The following MYLK4 variants were observed in gnomAD, a reference collection of about 807,000 sequenced individuals.
MYLK4 encodes the protein caMLCK like.
MYLK4 carries 46 observed loss-of-function variants against 48.1 expected under a neutral mutation model. The ratio of observed to expected loss-of-function variants is 0.96; its 90% CI spans 0.75 to 1.22. The LOEUF (loss-of-function observed/expected upper bound fraction) is 1.22, where lower values mean the gene tolerates loss of function less well. MYLK4 is among the 50% of genes most tolerant of loss of function. The probability of loss-of-function intolerance (pLI) is 0.00; values close to 1 mark genes in which losing one functional copy is unlikely to be tolerated. For missense variants in MYLK4, 451 were observed against 486.1 expected (o/e 0.93, Z 0.68); for synonymous variants, 170 against 180.8 (o/e 0.94, Z 0.48).
chr6:2,720,461 C>T (rs769961363), intron 2 of MYLK4, among the ~76,000 whole-genome samples: 5 of 151,128 alleles, frequency 3.3e-5, no homozygotes, highest in Non-Finnish European at 7.4e-5. Flanking sequence ...TTGGAGACAA[C>T]AGAGATTATG....
chr6:2,758,254 C>A, the MYLK4 span, among the ~76,000 whole-genome samples: 3 of 151,902 alleles, frequency 2.0e-5, no homozygotes, highest in Non-Finnish European at 4.4e-5. Flanking sequence ...TGTAACATCA[C>A]TTACTGTTAT....
the MYLK4 span, among the ~76,000 whole-genome samples, chr6:2,769,242 C>T: frequency 1.3e-5 from 2 of 152,006 alleles, no homozygotes; most frequent in African/African-American, 2.4e-5. Flanking sequence ...TTAAAAATTA[C>T]TTTAACAGTA....
chr6:2,721,077 C>T (rs1382119562), intron 2 of MYLK4, among the ~76,000 whole-genome samples: 3 of 152,130 alleles, frequency 2.0e-5, no homozygotes, highest in African/African-American at 4.8e-5. Context: ...AGGAGAATCG[C>T]TTGAACTTGG....
intron 2 of MYLK4, among the ~76,000 whole-genome samples, chr6:2,731,523 A>G (rs1763480107): frequency 6.6e-6 from 1 of 152,174 alleles, no homozygotes; most frequent in African/African-American, 2.4e-5. Flanking sequence ...CTTCAGGTGC[A>G]GATGAAACTT....
rs559662981 is a variant in MYLK4, at chr6:2,666,943, G to C, written c.*982C>G. ...CATGAGACAGCACAGGCGAGAGACTGTACTTGGTCTTTGCCACTGTTTGTA... is the reference window on the plus strand; with the variant it reads ...CATGAGACAGCACAGGCGAGAGACTCTACTTGGTCTTTGCCACTGTTTGTA... On this transcript the variant is annotated 3_prime_UTR_variant, in exon 13 of 13. Transcript: ENST00000274643. 1 of 152,248 alleles carries C rather than the reference G, an allele frequency of 6.6e-6. No homozygotes were observed. The highest frequency in any genetic ancestry group is 2.1e-4 in the South Asian group (1 of 4,830). 9.4% of individuals were successfully genotyped at this position (152,248 alleles called of 1,614,324 possible).
At chr6:2,766,017 G>C in the MYLK4 span, 122 of 1,336,552 alleles carry the variant, frequency 9.1e-5, no homozygotes, top group Middle Eastern at 1.1e-3. Context: ...GCCCGCTCCA[G>C]CAGCCCCGGG....
At chr6:2,710,050 T>C (rs1007557235) in intron 2 of MYLK4, among the ~76,000 whole-genome samples, 8 of 152,228 alleles carry the variant, frequency 5.3e-5, no homozygotes, top group Admixed American at 3.3e-4. Context: ...AGATGTCCAT[T>C]TGGAATAAAA....
intron 10 of MYLK4, among the ~76,000 whole-genome samples, chr6:2,677,513 G>T (rs2113104515): frequency 6.6e-6 from 1 of 152,260 alleles, no homozygotes; most frequent in South Asian, 2.1e-4. Flanking sequence ...GTGTTTGATG[G>T]GTTAATCACA....
intron 2 of MYLK4, among the ~76,000 whole-genome samples, chr6:2,725,259 A>G (rs1204812584): frequency 1.3e-5 from 2 of 152,134 alleles, no homozygotes; most frequent in African/African-American, 4.8e-5. Context: ...GGATTTCAAG[A>G]CCAACCTGGG....
At chr6:2,764,448 A>G in the MYLK4 span, among the ~76,000 whole-genome samples, 1 of 152,146 alleles carries the variant, frequency 6.6e-6, no homozygotes, top group South Asian at 2.1e-4. Flanking sequence ...ATAAAAATTC[A>G]AGTTTTGGCC....
At chr6:2,764,714 C>T in the MYLK4 span, among the ~76,000 whole-genome samples, 12 of 152,248 alleles carry the variant, frequency 7.9e-5, no homozygotes, top group East Asian at 2.3e-3. Flanking sequence ...CTGGTGTTTC[C>T]GATTTGCCAC....
chr6:2,763,628 C>G, the MYLK4 span, among the ~76,000 whole-genome samples: 1 of 152,234 alleles, frequency 6.6e-6, no homozygotes, highest in Non-Finnish European at 1.5e-5. Flanking sequence ...CGCGCAGCCC[C>G]GGTTCCCGCC....
At chr6:2,727,247 G>A (rs1020009379) in intron 2 of MYLK4, among the ~76,000 whole-genome samples, 2 of 152,180 alleles carry the variant, frequency 1.3e-5, no homozygotes, top group African/African-American at 4.8e-5. Flanking sequence ...CCACTGCTCA[G>A]CCTTCAACAT....
intron 2 of MYLK4, among the ~76,000 whole-genome samples, chr6:2,704,395 T>G (rs1762413072): frequency 6.6e-6 from 1 of 152,188 alleles, no homozygotes; most frequent in Non-Finnish European, 1.5e-5. Context: ...TCTCAGACCT[T>G]TGTAGAAATT....
At chr6:2,713,541 T>C (rs1762757779) in intron 2 of MYLK4, among the ~76,000 whole-genome samples, 1 of 152,228 alleles carries the variant, frequency 6.6e-6, no homozygotes, top group Non-Finnish European at 1.5e-5. Context: ...GTGGAGTCTT[T>C]GCCACTGCTT....
chr6:2,735,142 C>G (rs925194815), intron 2 of MYLK4, among the ~76,000 whole-genome samples: 1 of 152,250 alleles, frequency 6.6e-6, no homozygotes, highest in Non-Finnish European at 1.5e-5. Context: ...TCATTACAAA[C>G]AATTCTTCCC....
chr6:2,723,600 T>A (rs558158581), intron 2 of MYLK4, among the ~76,000 whole-genome samples: 38 of 152,352 alleles, frequency 2.5e-4, no homozygotes, highest in African/African-American at 9.1e-4. Flanking sequence ...TTTTCCATAT[T>A]TCCTTTTCAC....
At chr6:2,736,848 A>G (rs1763693648) in intron 2 of MYLK4, among the ~76,000 whole-genome samples, 1 of 152,238 alleles carries the variant, frequency 6.6e-6, no homozygotes, top group South Asian at 2.1e-4. Flanking sequence ...CACCAAAGGA[A>G]TCTCTCCTGC....
chr6:2,684,243 G>A (rs144058311), intron 6 of MYLK4, among the ~76,000 whole-genome samples: 1 of 152,274 alleles, frequency 6.6e-6, no homozygotes, highest in Non-Finnish European at 1.5e-5. Flanking sequence ...CTAACCGCAG[G>A]GAGTGGTGGA....
Sources: allele counts gnomAD v4.1 joint callset (sites outside exome capture counted in the v4.1 genomes callset), GRCh38; gene constraint gnomAD v4.1.1; transcripts MANE v1.5; gene names NCBI Gene and HGNC (gene_info 2026-07-23, HGNC 2026-07-21).